Variants in CES5A observed in about 807,000 individuals in gnomAD.
The protein encoded by CES5A is carboxylesterase 5.
In CES5A, 67 loss-of-function variants were observed where a neutral mutation model predicts 62.9. That is an observed-to-expected ratio of 1.07 (90% confidence interval 0.88 to 1.31). The LOEUF (loss-of-function observed/expected upper bound fraction) is 1.31. Among genes scored for constraint, CES5A ranks in the 50% most tolerant of loss-of-function variants. The pLI is 0.00. For missense variants in CES5A, 748 were observed against 708.5 expected (o/e 1.06, Z -0.63); for synonymous variants, 296 against 280.8 (o/e 1.05, Z -0.54).
intron 1 of CES5A, among the ~76,000 whole-genome samples, chr16:55,915,427 G>A (rs2034138339): frequency 6.6e-6 from 1 of 152,020 alleles, no homozygotes; most frequent in South Asian, 2.1e-4. Context: ...GAAGGGAGGA[G>A]AGAGAAAAGA....
chr16:55,905,834 G>C (rs1162011639), intron 1 of CES5A, among the ~76,000 whole-genome samples: 2 of 152,132 alleles, frequency 1.3e-5, no homozygotes, highest in Non-Finnish European at 2.9e-5. Flanking sequence ...ACGCGCAATG[G>C]AGAACAAAGA....
At chr16:55,856,027 C>T (rs1173952944) in intron 9 of CES5A, among the ~76,000 whole-genome samples, 9 of 152,106 alleles carry the variant, frequency 5.9e-5, no homozygotes, top group African/African-American at 2.2e-4. Context: ...CTCTCTCTTC[C>T]TCCTGCTCTG....
chr16:55,915,100 T>C (rs2034133922), intron 1 of CES5A, among the ~76,000 whole-genome samples: 1 of 152,128 alleles, frequency 6.6e-6, no homozygotes, highest in African/African-American at 2.4e-5. Context: ...TGTGTTGATA[T>C]TACTCCAGGC....
intron 1 of CES5A, among the ~76,000 whole-genome samples, chr16:55,874,917 A>G (rs1472848769): frequency 2.0e-5 from 3 of 152,214 alleles, no homozygotes; most frequent in Admixed American, 6.5e-5. Flanking sequence ...AACCCCTTGC[A>G]GGGTGTGAGC....
At chr16:55,874,478 C>CTTT (rs35379811) in intron 1 of CES5A, among the ~76,000 whole-genome samples, 1 of 146,700 alleles carries the variant, frequency 6.8e-6, no homozygotes. Flanking sequence ...TTGCTGGCTT[C>CTTT]TTTTTTTTTT....
intron 2 of CES5A, among the ~76,000 whole-genome samples, chr16:55,931,972 G>A (rs906519230): frequency 5.3e-5 from 8 of 152,182 alleles, no homozygotes; most frequent in Admixed American, 1.3e-4. Context: ...ATTATGAAGA[G>A]GTGGGACTTT....
upstream of CES5A, among the ~76,000 whole-genome samples, chr16:55,879,119 C>G (rs1403219414): frequency 6.7e-6 from 1 of 149,716 alleles, no homozygotes; most frequent in Non-Finnish European, 1.5e-5. Flanking sequence ...TGCACCCCAC[C>G]ACTGCACCCC....
chr16:55,900,108 G>A (rs1597141259), intron 1 of CES5A, among the ~76,000 whole-genome samples: 2 of 152,100 alleles, frequency 1.3e-5, no homozygotes, highest in South Asian at 2.1e-4. Flanking sequence ...TCATCCCTAG[G>A]GACCCTCTCT....
intron 1 of CES5A, among the ~76,000 whole-genome samples, chr16:55,895,138 A>G (rs1330066645): frequency 1.3e-5 from 2 of 152,228 alleles, no homozygotes; most frequent in Non-Finnish European, 2.9e-5. Context: ...TGTCCAGCTC[A>G]GTGTTGAAGG....
chr16:55,865,483 G>T (rs1258320597), intron 5 of CES5A, among the ~76,000 whole-genome samples: 2 of 152,200 alleles, frequency 1.3e-5, no homozygotes, highest in Admixed American at 6.5e-5. Flanking sequence ...AATTTTGCAG[G>T]TGGTTTATGC....
chr16:55,875,032 C>T, intron 1 of CES5A, 117 bp downstream of exon 1: 4 of 1,023,090 alleles, frequency 3.9e-6, no homozygotes, highest in South Asian at 1.3e-5. Flanking sequence ...CATCAAAGTA[C>T]TACATAGCTC....
At chr16:55,881,340 G>A (rs913498025) in intron 1 of CES5A, among the ~76,000 whole-genome samples, 30 of 152,174 alleles carry the variant, frequency 2.0e-4, no homozygotes, top group African/African-American at 6.3e-4. Flanking sequence ...AATGAATCGC[G>A]TGATGTGGCT....
intron 1 of CES5A, among the ~76,000 whole-genome samples, chr16:55,907,830 T>C (rs1454934058): frequency 6.6e-6 from 1 of 152,112 alleles, no homozygotes; most frequent in Non-Finnish European, 1.5e-5. Context: ...TCCCTTCTTG[T>C]GACTGATGAG....
chr16:55,902,184 G>A (rs760127837), intron 1 of CES5A, among the ~76,000 whole-genome samples: 49 of 152,236 alleles, frequency 3.2e-4, no homozygotes, highest in Non-Finnish European at 3.8e-4. Flanking sequence ...CAGGGCAGCC[G>A]GCAGCAGGGG....
chr16:55,871,381 C>T (rs774169882), intron 3 of CES5A, among the ~76,000 whole-genome samples: 6 of 152,116 alleles, frequency 3.9e-5, no homozygotes, highest in Non-Finnish European at 8.8e-5. Flanking sequence ...ACTAAATACG[C>T]AACAGAGGGG....
chr16:55,861,673 G>A (rs1380449750), intron 6 of CES5A, among the ~76,000 whole-genome samples, 157 bp from the exon 7 acceptor site: 1 of 151,264 alleles, frequency 6.6e-6, no homozygotes, highest in African/African-American at 2.5e-5. Flanking sequence ...AATTGAAGGT[G>A]CACATGGTGG....
At chr16:55,920,929 T>A (rs1458557206) in intron 1 of CES5A, among the ~76,000 whole-genome samples, 6 of 152,190 alleles carry the variant, frequency 3.9e-5, no homozygotes, top group African/African-American at 1.4e-4. Flanking sequence ...GAAATAATTT[T>A]AAAAATCAAA....
chr16:55,905,728 A>T (rs1420220), intron 1 of CES5A, among the ~76,000 whole-genome samples: 78,687 of 151,852 alleles, frequency 0.52, 20,612 homozygotes, highest in African/African-American at 0.54. Flanking sequence ...CCAGGAAAAC[A>T]CTGTCCTGGT....
intron 3 of CES5A, among the ~76,000 whole-genome samples, chr16:55,870,589 T>C (rs182162714): frequency 6.1e-4 from 93 of 152,122 alleles, no homozygotes; most frequent in African/African-American, 2.2e-3. Context: ...TCCCAGCTAC[T>C]TGGGAGGCTG....
Sources: gnomAD v4.1 joint callset for allele counts (sites outside exome capture counted in the v4.1 genomes callset) on GRCh38, gnomAD v4.1.1 for gene constraint, MANE v1.5 for transcripts, NCBI Gene and HGNC (gene_info 2026-07-23, HGNC 2026-07-21) for gene names.